NEK9: variants seen among roughly 807,000 people sequenced by gnomAD.
NEK9 encodes the protein serine/threonine-protein kinase Nek9.
In NEK9, 75 loss-of-function variants were observed where a neutral mutation model predicts 123.4. The ratio of observed to expected loss-of-function variants is 0.61; its 90% CI spans 0.50 to 0.74. The LOEUF (loss-of-function observed/expected upper bound fraction) is 0.74, where lower values mean the gene tolerates loss of function less well. Among genes scored for constraint, NEK9 ranks in the 30% least tolerant of loss-of-function variants. NEK9 has a pLI of 0.00. For missense variants in NEK9, 952 were observed against 1,214.4 expected, an observed-to-expected ratio of 0.78 and a Z score of 3.21; for synonymous variants, 438 against 458.7, an observed-to-expected ratio of 0.95 and a Z score of 0.58.
chr14:75,118,802 T>C, intron 5 of NEK9, 28 bp downstream of exon 5: 1 of 1,273,920 alleles, frequency 7.8e-7, no homozygotes, highest in Non-Finnish European at 1.1e-6. Flanking sequence ...GAAAATAAAA[T>C]AAAAATTAAG....
chr14:75,109,851 A>G lies in NEK9; in HGVS notation c.1016T>C (p.Ile339Thr). 3.7e-6 allele frequency: 6 copies of G among 1,613,276 alleles called. No homozygotes were observed. Among genetic ancestry groups the G allele is most frequent in the Non-Finnish European group, 4.2e-6 (5 of 1,179,698 alleles). Reference protein sequence around the residue: ...PRSSTVTEAPIAVVTSRTSEV... With the variant: ...PRSSTVTEAPTAVVTSRTSEV... ...ACTGGTTCGTGATGTTACTACAGCA[A>G]TGGGTGCTTCAGTCACAGTGCTTGA... is the stretch of plus-strand genomic sequence containing the variant. The change falls in exon 10 of 22, where the codon ATT becomes ACT. Residue 339 changes from isoleucine to threonine, a missense_variant. Transcript: ENST00000238616.
At chr14:75,101,264 T>C (rs1894570463) in intron 15 of NEK9, 111 bp from the exon 16 acceptor site, 1 of 1,160,774 alleles carries the variant, frequency 8.6e-7, no homozygotes, top group Admixed American at 2.7e-5. Context: ...AATATACAAA[T>C]ATAAAACTAG....
chr14:75,087,232 TAG>T lies in NEK9; in HGVS notation c.2605-4_2605-3del, dbSNP rs748414689. On this transcript the variant is annotated splice_region_variant and splice_polypyrimidine_tract_variant and intron_variant, in intron 20 of 21. Coordinates refer to ENST00000238616, the MANE Select transcript of NEK9 (RefSeq NM_033116.6). ...TACTGCAGGATTCAGCCGAGGTGAC[TAG>T]AGAGACAAGAAGGAGATTGCAGGAG... 4 of 1,602,442 alleles carry T rather than the reference TAG, an allele frequency of 2.5e-6. No individual in the cohort carries two copies. In the South Asian group the frequency reaches 3.3e-5, roughly 13 times the overall value.
At chr14:75,117,080 AAT>A in intron 6 of NEK9, 113 bp downstream of exon 6, 1 of 1,213,782 alleles carries the variant, frequency 8.2e-7, no homozygotes, top group African/African-American at 1.5e-5. Flanking sequence ...CTTGTACCTG[AAT>A]ACAGGTTATT....
At chr14:75,116,845 G>C (rs868821911) in intron 6 of NEK9, among the ~76,000 whole-genome samples, 8 of 152,012 alleles carry the variant, frequency 5.3e-5, no homozygotes, top group African/African-American at 1.9e-4. Flanking sequence ...CCACCTCCTG[G>C]GTTCAAGCAA....
In NEK9 at chr14:75,126,941, G is replaced by A. The variant is rs1232381963; in HGVS notation, c.-20C>T. 2.1e-6 allele frequency: 3 copies of A among 1,448,118 alleles called. No homozygotes were observed. The highest frequency in any genetic ancestry group is 1.4e-5 in the South Asian group (1 of 73,288). 89.7% of individuals were successfully genotyped at this position (1,448,118 alleles called of 1,614,324 possible). A position where few individuals can be genotyped will look rare whatever the true frequency, so the allele number is the denominator to read the frequency against. ...CGACATGGCGGCGGCCGCGGGCCTT[G>A]GGGACCAGCCTGCGTATGCCCGGAG... is the stretch of plus-strand genomic sequence containing the variant. On this transcript the variant is annotated 5_prime_UTR_variant, in exon 1 of 22. Transcript: ENST00000238616.
intron 19 of NEK9, among the ~76,000 whole-genome samples, chr14:75,089,112 G>A (rs1894123795): frequency 6.6e-6 from 1 of 152,120 alleles, no homozygotes; most frequent in African/African-American, 2.4e-5. Flanking sequence ...TGTTGCCCAG[G>A]CTGGAGTGCA....
chr14:75,097,042 A>C, intron 17 of NEK9, 58 bp downstream of exon 17: 2 of 1,491,064 alleles, frequency 1.3e-6, no homozygotes, highest in South Asian at 1.3e-5. Context: ...AACAGTACTC[A>C]GATGTGGGTC....
At chr14:75,097,753 T>C (rs578241357) in intron 16 of NEK9, among the ~76,000 whole-genome samples, 35 of 152,194 alleles carry the variant, frequency 2.3e-4, no homozygotes, top group Non-Finnish European at 2.5e-4. Flanking sequence ...TGGGATATCA[T>C]TATTTTAGAT....
chr14:75,113,762 C>T (rs905666940), intron 7 of NEK9, among the ~76,000 whole-genome samples: 5 of 152,114 alleles, frequency 3.3e-5, no homozygotes, highest in Non-Finnish European at 7.4e-5. Context: ...TTTTTACTTA[C>T]AAAACTCCCC....
At chr14:75,090,079 C>T (rs978924035) in intron 19 of NEK9, among the ~76,000 whole-genome samples, 3 of 151,894 alleles carry the variant, frequency 2.0e-5, no homozygotes, top group Non-Finnish European at 4.4e-5. Context: ...GTGATCCTCC[C>T]GCCTTGGCCT....
chr14:75,124,264 T>C (rs1594855713), intron 1 of NEK9, 41 bp from the exon 2 acceptor site: 2 of 1,576,856 alleles, frequency 1.3e-6, no homozygotes, highest in East Asian at 2.2e-5. Flanking sequence ...TCCTCTTGCC[T>C]GGCAGCAAAT....
chr14:75,092,334 T>G (rs986088656), intron 18 of NEK9, among the ~76,000 whole-genome samples: 1 of 150,850 alleles, frequency 6.6e-6, no homozygotes, highest in African/African-American at 2.5e-5. Context: ...TGGCACGATC[T>G]TGGCTCACTG....
chr14:75,105,225 T>C (rs1476863804), intron 13 of NEK9, among the ~76,000 whole-genome samples: 2 of 152,098 alleles, frequency 1.3e-5, no homozygotes, highest in African/African-American at 2.4e-5. Context: ...GGGAATCCCA[T>C]TGAGGATGGT....
rs752013674 is a variant in NEK9, at chr14:75,103,805, CTGA to C, written c.1731+34_1731+36del. On this transcript the variant is annotated intron_variant, in intron 14 of 21. Transcript: ENST00000238616. ...AAAGAAATTCCAACCTAGAGAAATT[CTGA>C]TGATGTGGTTAGAACACCAATCAGG... The C allele has an allele frequency of 3.8e-6, 6 of 1,562,588 alleles. No homozygotes were observed. The East Asian group carries it at 9.1e-5, about 24-fold the overall frequency.
chr14:75,105,056 T>C lies in NEK9; in HGVS notation c.1575+894A>G, dbSNP rs1894723814. Among the ~76,000 whole-genome samples the C allele has an allele frequency of 2.6e-5, 4 of 152,238 alleles. No homozygotes were observed. The South Asian group carries it at 8.3e-4, about 32-fold the overall frequency. On this transcript the variant is annotated intron_variant, in intron 13 of 21. Transcript: ENST00000238616. ...GAGAGGTGACAGAGTACTGAGGTAA[T>C]ATCTAGGACTTCCAAATGCTCATAT... is the stretch of plus-strand genomic sequence containing the variant.
At chr14:75,112,485 G>A (rs1219602318) in intron 8 of NEK9, among the ~76,000 whole-genome samples, 2 of 152,166 alleles carry the variant, frequency 1.3e-5, no homozygotes, top group African/African-American at 4.8e-5. Context: ...TACCTGAAGA[G>A]GATTCCTCCA....
At chr14:75,091,007 C>T (rs1188309509) in intron 19 of NEK9, among the ~76,000 whole-genome samples, 2 of 152,190 alleles carry the variant, frequency 1.3e-5, no homozygotes, top group Admixed American at 6.5e-5. Flanking sequence ...ACATGTACTA[C>T]AAAAACTGCC....
rs1378490760 is a variant in NEK9 at position 75,109,718 on chromosome 14, C to T, written c.1149G>A (p.Val383=). 2 of 1,613,968 alleles carry T rather than the reference C, an allele frequency of 1.2e-6. No individual in the cohort carries two copies. The highest frequency in any genetic ancestry group is 1.7e-5 in the Admixed American group (1 of 59,934). The change falls in exon 10 of 22, where the codon GTG becomes GTA. Residue 383 remains valine, a synonymous_variant. Coordinates refer to ENST00000238616, the MANE Select transcript of NEK9 (RefSeq NM_033116.6). ...TGTACAGTTCCTTCTCCACTGTGAC[C>T]ACAGCAAAGTGGGTATTCCCTGCAC... is the stretch of plus-strand genomic sequence containing the variant. ...QVCAGNTHFA[V]VTVEKELYTW...
Sources: gnomAD v4.1 joint callset for allele counts (sites outside exome capture counted in the v4.1 genomes callset) on GRCh38, gnomAD v4.1.1 for gene constraint, MANE v1.5 for transcripts, NCBI Gene and HGNC (gene_info 2026-07-23, HGNC 2026-07-21) for gene names.